The following ATXN1 variants were observed in gnomAD, a reference collection of about 807,000 sequenced individuals.
ATXN1 encodes ataxin-1.
Under a neutral mutation model 56.4 loss-of-function variants are expected in ATXN1, and 8 were observed. That is an observed-to-expected ratio of 0.14 (90% CI 0.08 to 0.26). ATXN1 has a LOEUF of 0.26. ATXN1 is among the 10% of genes least tolerant of loss of function. The pLI is 1.00. For synonymous variants in ATXN1, 514 were observed against 494.6 expected (o/e 1.04, Z -0.52); for missense variants, 987 against 1,106.5 (o/e 0.89, Z 1.53).
chr6:16,724,305 T>C lies in ATXN1; in HGVS notation c.-615+28928A>G, dbSNP rs184392005. Among the ~76,000 whole-genome samples, 6 of 151,310 alleles carry C rather than the reference T, an allele frequency of 4.0e-5. No homozygotes were observed. The East Asian group carries it at 1.2e-3, about 29-fold the overall frequency. On this transcript the variant is annotated intron_variant, in intron 2 of 7. Transcript: ENST00000436367. Reference sequence around the variant, plus strand: ...TCATGAAGTCTCCAAAAGAATTTTTTAGGTGTCTTTTTGATGAGCAGGAAT... The same window carrying C: ...TCATGAAGTCTCCAAAAGAATTTTTCAGGTGTCTTTTTGATGAGCAGGAAT...
At chr6:16,396,814 C>G (rs1758467965) in intron 6 of ATXN1, among the ~76,000 whole-genome samples, 1 of 152,120 alleles carries the variant, frequency 6.6e-6, no homozygotes, top group Non-Finnish European at 1.5e-5. Context: ...TTTACTGTAC[C>G]TATTCTATGT....
chr6:16,716,944 G>A (rs1053308136), intron 2 of ATXN1, among the ~76,000 whole-genome samples: 8 of 152,142 alleles, frequency 5.3e-5, no homozygotes, highest in Non-Finnish European at 1.0e-4. Context: ...ATTCCAAAGG[G>A]ACTTATAAGA....
At chr6:16,566,671 G>A (rs538396004) in intron 4 of ATXN1, among the ~76,000 whole-genome samples, 4 of 152,028 alleles carry the variant, frequency 2.6e-5, no homozygotes, top group Non-Finnish European at 5.9e-5. Flanking sequence ...GGCGAACACT[G>A]TGAAACCCCG....
chr6:16,696,749 T>C (rs1243773318), intron 2 of ATXN1, among the ~76,000 whole-genome samples: 1 of 152,254 alleles, frequency 6.6e-6, no homozygotes, highest in Admixed American at 6.5e-5. Context: ...TTTGACCTAC[T>C]GGTTAGTGCT....
chr6:16,491,295 T>TATTAA (rs59253371), intron 5 of ATXN1, among the ~76,000 whole-genome samples: 1 of 128,580 alleles, frequency 7.8e-6, no homozygotes, highest in Admixed American at 8.0e-5. Flanking sequence ...TTTTTTTTTT[T>TATTAA]TTTTTTGATA....
At position 16,299,622 on chromosome 6, in the gene ATXN1, A is replaced by C. The variant is rs1248602454; in HGVS notation, c.*6707T>G. ...TGTCTGTTTTCCCTTGGCCTGTGGGAGGCATATGGTGGGTAATGATCTGAT... is the reference window on the plus strand; with the variant it reads ...TGTCTGTTTTCCCTTGGCCTGTGGGCGGCATATGGTGGGTAATGATCTGAT... On this transcript the variant is annotated 3_prime_UTR_variant, in exon 8 of 8. Transcript: ENST00000436367. 6.8e-6 allele frequency: 1 copy of C among 146,840 alleles called. No homozygotes were observed. Among genetic ancestry groups the C allele is most frequent in the African/African-American group, 2.6e-5 (1 of 37,988 alleles). 9.1% of individuals were successfully genotyped at this position (146,840 alleles called of 1,614,324 possible).
chr6:16,661,860 C>T (rs77526291), intron 2 of ATXN1, among the ~76,000 whole-genome samples: 5,386 of 152,174 alleles, frequency 0.035, 226 homozygotes, highest in African/African-American at 0.098. Flanking sequence ...TCAGATGAAA[C>T]GTCAGCCCAG....
At chr6:16,560,825 A>G (rs1180157992) in intron 4 of ATXN1, among the ~76,000 whole-genome samples, 3 of 152,142 alleles carry the variant, frequency 2.0e-5, no homozygotes, top group Admixed American at 1.3e-4. Context: ...ATCACAGTCA[A>G]TTTTCCACTG....
chr6:16,364,758 C>G (rs1761881209), intron 6 of ATXN1, among the ~76,000 whole-genome samples: 1 of 152,128 alleles, frequency 6.6e-6, no homozygotes, highest in Non-Finnish European at 1.5e-5. Context: ...TCACAGTCTC[C>G]TTAAACCCCA....
chr6:16,396,729 T>C (rs969303598), intron 6 of ATXN1, among the ~76,000 whole-genome samples: 2 of 152,168 alleles, frequency 1.3e-5, no homozygotes, highest in Non-Finnish European at 2.9e-5. Context: ...CCAGAGCAAC[T>C]TCCAGTCCTG....
intron 3 of ATXN1, among the ~76,000 whole-genome samples, chr6:16,603,057 C>T (rs775646997): frequency 3.0e-4 from 46 of 152,114 alleles, no homozygotes; most frequent in Non-Finnish European, 4.4e-4. Flanking sequence ...TTCTAAGTGC[C>T]GATAAAATAA....
chr6:16,584,654 C>A (rs1391048171), intron 4 of ATXN1, among the ~76,000 whole-genome samples: 1 of 148,430 alleles, frequency 6.7e-6, no homozygotes, highest in Non-Finnish European at 1.5e-5. Context: ...CCCCAAAACC[C>A]AAAATACATG....
intron 2 of ATXN1, among the ~76,000 whole-genome samples, chr6:16,666,349 G>A (rs79760610): frequency 0.03 from 4,525 of 152,264 alleles, 84 homozygotes; most frequent in South Asian, 0.077. Flanking sequence ...ATATTCCACT[G>A]TGTATATGTA....
At chr6:16,416,073 G>C (rs1040106983) in intron 6 of ATXN1, among the ~76,000 whole-genome samples, 3 of 114,736 alleles carry the variant, frequency 2.6e-5, no homozygotes, top group Non-Finnish European at 3.4e-5. Flanking sequence ...TTATTCACAA[G>C]AAGAACTACC....
At chr6:16,443,026 C>A (rs551622470) in intron 6 of ATXN1, among the ~76,000 whole-genome samples, 1 of 149,836 alleles carries the variant, frequency 6.7e-6, no homozygotes, top group East Asian at 2.0e-4. Flanking sequence ...AACAAACAAA[C>A]AAAAAAAATA....
intron 6 of ATXN1, among the ~76,000 whole-genome samples, chr6:16,471,748 A>C (rs947060895): frequency 6.6e-6 from 1 of 152,054 alleles, no homozygotes; most frequent in Admixed American, 6.6e-5. Context: ...TGTAATATAC[A>C]GGGAGTTTAC....
chr6:16,358,928 C>A (rs1271081005), intron 6 of ATXN1, among the ~76,000 whole-genome samples: 1 of 152,174 alleles, frequency 6.6e-6, no homozygotes, highest in African/African-American at 2.4e-5. Flanking sequence ...CAAGCGGGAG[C>A]CCTGCCCCTT....
chr6:16,393,146 C>T (rs1382521241), intron 6 of ATXN1, among the ~76,000 whole-genome samples: 4 of 152,330 alleles, frequency 2.6e-5, no homozygotes, highest in African/African-American at 9.6e-5. Context: ...TTCTCAGACC[C>T]ACTAACAGAT....
chr6:16,743,710 C>T (rs1476211094), intron 2 of ATXN1, among the ~76,000 whole-genome samples: 1 of 152,064 alleles, frequency 6.6e-6, no homozygotes, highest in African/African-American at 2.4e-5. Context: ...CCAAGGGCTT[C>T]GTGAGGAAGA....
Sources: allele counts gnomAD v4.1 joint callset (sites outside exome capture counted in the v4.1 genomes callset), GRCh38; gene constraint gnomAD v4.1.1; transcripts MANE v1.5; gene names NCBI Gene and HGNC (gene_info 2026-07-23, HGNC 2026-07-21).